Variants in TAFA2 observed in about 807,000 individuals in gnomAD.
The protein encoded by TAFA2 is chemokine-like protein TAFA-2.
A neutral mutation model predicts 18.8 loss-of-function variants in TAFA2; 7 were observed. That is an observed-to-expected ratio of 0.37 (90% CI 0.21 to 0.70). The LOEUF (loss-of-function observed/expected upper bound fraction) is 0.70, where lower values mean the gene tolerates loss of function less well. TAFA2 is among the 30% of genes least tolerant of loss of function. The probability of loss-of-function intolerance (pLI) is 0.53; values close to 1 mark genes in which losing one functional copy is unlikely to be tolerated. For missense variants in TAFA2, 122 were observed against 158.1 expected, an observed-to-expected ratio of 0.77 and a Z score of 1.23; for synonymous variants, 60 against 54.2, an observed-to-expected ratio of 1.11 and a Z score of -0.47.
intron 1 of TAFA2, among the ~76,000 whole-genome samples, chr12:62,239,486 C>T (rs1481072733): frequency 6.6e-6 from 1 of 152,166 alleles, no homozygotes; most frequent in Non-Finnish European, 1.5e-5. Context: ...TTAATAGCTC[C>T]TCTTTTTAGT....
rs887179893 is a variant in TAFA2 at position 61,981,762 on chromosome 12, C to A, written c.-1-114336G>T. 4.8e-4 allele frequency among the ~76,000 whole-genome samples: 73 copies of A among 152,154 alleles called. 1 individual carries two copies. Among genetic ancestry groups the A allele is most frequent in the Admixed American group, 4.6e-3 (71 of 15,284 alleles). On this transcript the variant is annotated intron_variant, in intron 1 of 4. Transcript: ENST00000416284. The stretch of plus-strand genomic sequence containing the variant: ...TGCAAATCAAAACCACAATGAGATA[C>A]CATCTCATGCCAGTTAGAATGGCAA...
In TAFA2 at chr12:61,757,246, G is replaced by C. The variant is rs924898176; in HGVS notation, c.107-2222C>G. 5.3e-5 allele frequency among the ~76,000 whole-genome samples: 8 copies of C among 152,124 alleles called. No individual in the cohort carries two copies. The East Asian group carries it at 1.6e-3, about 30-fold the overall frequency. On this transcript the variant is annotated intron_variant, in intron 2 of 4. Transcript: ENST00000416284. ...AGAGATGGGGAGAAGTAGCAGCTTGGATATATTTCAGTGTAGAGTTGATTT... is the reference window on the plus strand; with the variant it reads ...AGAGATGGGGAGAAGTAGCAGCTTGCATATATTTCAGTGTAGAGTTGATTT...
At chr12:62,178,812 CAG>C (rs1338601063) in intron 1 of TAFA2, among the ~76,000 whole-genome samples, 3 of 152,172 alleles carry the variant, frequency 2.0e-5, no homozygotes, top group Non-Finnish European at 4.4e-5. Context: ...AATCCAGAGA[CAG>C]AGATTGTTTT....
At chr12:61,851,046 A>G (rs1482426829) in intron 2 of TAFA2, among the ~76,000 whole-genome samples, 1 of 152,234 alleles carries the variant, frequency 6.6e-6, no homozygotes. Context: ...TCATAATTAT[A>G]TTTATTCTAG....
rs1035311246 is a variant in TAFA2, at chr12:61,836,713, T to G, written c.106+30607A>C. On this transcript the variant is annotated intron_variant, in intron 2 of 4. Transcript: ENST00000416284. ...CCATAAAATAGCTAGCACTTAGTAT[T>G]TAGAATTGTTGCCAATTTGATATAT... 1.8e-4 allele frequency among the ~76,000 whole-genome samples: 19 copies of G among 104,416 alleles called. No individual in the cohort carries two copies. The Admixed American group carries it at 2.0e-3, about 11-fold the overall frequency. The allele number at this position is 104,416 out of a possible 152,430, so 68.5% of individuals were successfully genotyped here. A position where few individuals can be genotyped will look rare whatever the true frequency, so the allele number is the denominator to read the frequency against.
rs370736069 is a variant in TAFA2 at position 61,829,007 on chromosome 12, T to A, written c.106+38313A>T. On this transcript the variant is annotated intron_variant, in intron 2 of 4. Coordinates refer to ENST00000416284, the MANE Select transcript of TAFA2 (RefSeq NM_178539.5). ...ACCTGAATACCAATATATTCTTGAATAAATTAATAATGTTCTAGTTTATTT... is the reference window on the plus strand; with the variant it reads ...ACCTGAATACCAATATATTCTTGAAAAAATTAATAATGTTCTAGTTTATTT... Among the ~76,000 whole-genome samples the A allele has an allele frequency of 6.6e-5, 10 of 151,904 alleles. No individual in the cohort carries two copies. In the East Asian group the frequency reaches 1.2e-3, roughly 18 times the overall value.
At chr12:62,043,005 G>A (rs1442017999) in intron 1 of TAFA2, among the ~76,000 whole-genome samples, 1 of 151,904 alleles carries the variant, frequency 6.6e-6, no homozygotes, top group Non-Finnish European at 1.5e-5. Flanking sequence ...AATAAAAGGG[G>A]GATAGAGATG....
In TAFA2 at chr12:62,036,131, T is replaced by C. The variant is rs149284331; in HGVS notation, c.-2+155128A>G. On this transcript the variant is annotated intron_variant, in intron 1 of 4. Coordinates refer to ENST00000416284, the MANE Select transcript of TAFA2 (RefSeq NM_178539.5). The stretch of plus-strand genomic sequence containing the variant: ...ACCCACTAGGTGCCAATAGAACCCG[T>C]TTCCCATACCCAGTTGTGAGAACCA... Among the ~76,000 whole-genome samples, 414 of 152,116 alleles carry C rather than the reference T, an allele frequency of 2.7e-3. 3 individuals are homozygous for C. Among genetic ancestry groups the C allele is most frequent in the Middle Eastern group, 0.01 (3 of 294 alleles).
At chr12:62,186,953 C>T (rs538759850) in intron 1 of TAFA2, among the ~76,000 whole-genome samples, 144 of 152,242 alleles carry the variant, frequency 9.5e-4, no homozygotes, top group South Asian at 3.5e-3. Context: ...TCCAACATAT[C>T]CATGTGGTAT....
chr12:62,189,659 T>C (rs565883777), intron 1 of TAFA2, among the ~76,000 whole-genome samples: 21 of 152,342 alleles, frequency 1.4e-4, no homozygotes, highest in African/African-American at 5.1e-4. Context: ...AGAAGTGTTT[T>C]TAATCTCCTT....
rs1305800990 is a variant in TAFA2 at position 61,710,246 on chromosome 12, CT to C, written c.*159del. On this transcript the variant is annotated 3_prime_UTR_variant, in exon 5 of 5. Transcript: ENST00000416284. Reference sequence around the variant, plus strand: ...AGTTCATGTCTGACTTTTAAAAAGTCTTGATTTCAAGAAGAGGCCATGAAAT... The same window carrying C: ...AGTTCATGTCTGACTTTTAAAAAGTCTGATTTCAAGAAGAGGCCATGAAAT... 3 of 630,426 alleles carry C rather than the reference CT, an allele frequency of 4.8e-6. No individual in the cohort carries two copies. Among genetic ancestry groups the C allele is most frequent in the South Asian group, 4.4e-5 (2 of 45,764 alleles). 39.1% of individuals were successfully genotyped at this position (630,426 alleles called of 1,614,324 possible).
intron 1 of TAFA2, chr12:62,070,676 A>G (rs1476029209): frequency 6.6e-6 from 1 of 152,202 alleles, no homozygotes; most frequent in Non-Finnish European, 1.5e-5. Flanking sequence ...TTCCACAGAA[A>G]AGCCTCCTAA....
intron 1 of TAFA2, among the ~76,000 whole-genome samples, chr12:62,143,612 C>T (rs533191715): frequency 1.3e-5 from 2 of 152,244 alleles, no homozygotes; most frequent in East Asian, 3.9e-4. Flanking sequence ...ACCAATACAG[C>T]CCACAACCTG....
intron 2 of TAFA2, among the ~76,000 whole-genome samples, chr12:61,824,407 T>C (rs938358339): frequency 6.6e-6 from 1 of 152,178 alleles, no homozygotes; most frequent in Admixed American, 6.5e-5. Flanking sequence ...TGGCAATAGG[T>C]AACTAATATA....
At chr12:61,721,181 TA>T (rs887595201) in intron 4 of TAFA2, among the ~76,000 whole-genome samples, 26 of 150,640 alleles carry the variant, frequency 1.7e-4, no homozygotes, top group African/African-American at 5.8e-4. Context: ...ACAAGAAATT[TA>T]AAAAAAAAGG....
intron 4 of TAFA2, among the ~76,000 whole-genome samples, chr12:61,750,425 C>T (rs967645232): frequency 1.2e-4 from 18 of 152,066 alleles, no homozygotes; most frequent in Non-Finnish European, 2.1e-4. Flanking sequence ...AGGTATGCAA[C>T]AAAACACTCA....
At chr12:61,867,244 G>C (rs1874393073) in intron 2 of TAFA2, 76 bp downstream of exon 2, 2 of 934,308 alleles carry the variant, frequency 2.1e-6, no homozygotes, top group East Asian at 2.4e-5. Flanking sequence ...CAGACCAGTG[G>C]AGGCAAAACA....
chr12:61,914,265 C>T (rs1019342356), intron 1 of TAFA2, among the ~76,000 whole-genome samples: 1 of 152,126 alleles, frequency 6.6e-6, no homozygotes, highest in Non-Finnish European at 1.5e-5. Context: ...ATAATTTTTT[C>T]ATGAAACATC....
intron 1 of TAFA2, among the ~76,000 whole-genome samples, chr12:62,054,685 G>T (rs897488607): frequency 6.6e-6 from 1 of 152,126 alleles, no homozygotes; most frequent in African/African-American, 2.4e-5. Context: ...TGTTAAAGCT[G>T]CTACTTTACA....
Sources: gnomAD v4.1 joint callset for allele counts (sites outside exome capture counted in the v4.1 genomes callset) on GRCh38, gnomAD v4.1.1 for gene constraint, MANE v1.5 for transcripts, NCBI Gene and HGNC (gene_info 2026-07-23, HGNC 2026-07-21) for gene names.